Variants in DOCK3 observed in about 807,000 individuals in gnomAD.
The protein encoded by DOCK3 is dedicator of cytokinesis 3.
In DOCK3, 60 loss-of-function variants were observed where a neutral mutation model predicts 265.6. The ratio of observed to expected loss-of-function variants is 0.23; its 90% CI spans 0.18 to 0.28. DOCK3 has a LOEUF of 0.28. Among genes scored for constraint, DOCK3 ranks in the 10% least tolerant of loss-of-function variants. The pLI is 1.00. For synonymous variants in DOCK3, 881 were observed against 938.0 expected (o/e 0.94, Z 1.11); for missense variants, 1,981 against 2,594.3 (o/e 0.76, Z 5.14).
intron 27 of DOCK3, among the ~76,000 whole-genome samples, chr3:51,302,889 T>G (rs1442305061): frequency 1.3e-5 from 2 of 152,156 alleles, no homozygotes; most frequent in Non-Finnish European, 2.9e-5. Context: ...ATCTGATGAT[T>G]ATGTGTCTTG....
intron 5 of DOCK3, among the ~76,000 whole-genome samples, chr3:50,968,651 G>A (rs938730954): frequency 6.6e-6 from 1 of 151,774 alleles, no homozygotes; most frequent in Admixed American, 6.6e-5. Flanking sequence ...CTAGGTTCAA[G>A]TGATTCTCCT....
chr3:50,794,672 T>C (rs12486828), intron 2 of DOCK3, among the ~76,000 whole-genome samples: 10,725 of 152,202 alleles, frequency 0.07, 961 homozygotes, highest in East Asian at 0.33. Context: ...TGGGTCTTGG[T>C]TCTTTGTCTA....
chr3:51,080,425 C>T (rs972920641), intron 7 of DOCK3, among the ~76,000 whole-genome samples: 9 of 152,068 alleles, frequency 5.9e-5, no homozygotes, highest in South Asian at 2.1e-4. Context: ...TCTAGAGTTA[C>T]GTAGCAAACA....
intron 1 of DOCK3, among the ~76,000 whole-genome samples, chr3:50,707,626 G>C (rs995259713): frequency 6.6e-6 from 1 of 152,146 alleles, no homozygotes; most frequent in Non-Finnish European, 1.5e-5. Context: ...ATGTCAGATG[G>C]GCTGGTCCTT....
At chr3:51,015,342 A>C (rs1176869406) in intron 5 of DOCK3, among the ~76,000 whole-genome samples, 1 of 151,950 alleles carries the variant, frequency 6.6e-6, no homozygotes, top group Non-Finnish European at 1.5e-5. Context: ...TTTATTATGA[A>C]GGGATGTTGA....
chr3:51,218,673 T>C (rs1169004737), intron 14 of DOCK3, among the ~76,000 whole-genome samples: 1 of 152,234 alleles, frequency 6.6e-6, no homozygotes, highest in Non-Finnish European at 1.5e-5. Context: ...TCATTGATTG[T>C]AGGTGATATG....
In DOCK3 at chr3:51,381,079, C is replaced by T. The variant is rs371225174; in HGVS notation, c.5613C>T (p.Pro1871=). The part of the protein sequence containing the change: ...KSPLHPIPAS[P]TSPQSGLDGS... The stretch of plus-strand genomic sequence containing the variant: ...CTCTCCACCCTATCCCAGCCTCCCC[C>T]ACAAGCCCCCAGTCAGGTCTGGACG... The change falls in exon 53 of 53, where the codon CCC becomes CCT. Residue 1871 remains proline (P), a synonymous_variant. Transcript: ENST00000266037. The surrounding 1 kb of genome is among the most constrained non-coding windows in gnomAD (Gnocchi z 5.6). 45 of 1,607,292 alleles carry T rather than the reference C, an allele frequency of 2.8e-5. No individual in the cohort carries two copies. In the East Asian group the frequency reaches 8.7e-4, roughly 31 times the overall value.
intron 9 of DOCK3, among the ~76,000 whole-genome samples, chr3:51,127,788 T>G (rs2084334287): frequency 1.3e-5 from 2 of 152,216 alleles, no homozygotes; most frequent in South Asian, 4.1e-4. Context: ...GTTTTTTTCC[T>G]GGTGGAGTGA....
At chr3:51,071,466 T>G (rs1013022504) in intron 6 of DOCK3, among the ~76,000 whole-genome samples, 1 of 151,976 alleles carries the variant, frequency 6.6e-6, no homozygotes, top group South Asian at 2.1e-4. Flanking sequence ...GTTTAAAGAG[T>G]TTTTTATCCA....
chr3:51,178,491 T>A (rs983201063), intron 12 of DOCK3, among the ~76,000 whole-genome samples: 1 of 152,228 alleles, frequency 6.6e-6, no homozygotes, highest in African/African-American at 2.4e-5. Context: ...ATGCTGTTCA[T>A]GCACTTCTGT....
chr3:50,690,298 G>C (rs1005411364), intron 1 of DOCK3, among the ~76,000 whole-genome samples: 11 of 151,484 alleles, frequency 7.3e-5, no homozygotes, highest in African/African-American at 2.7e-4. Flanking sequence ...ATGCCTGGCT[G>C]ATTTTTTAAA....
intron 8 of DOCK3, among the ~76,000 whole-genome samples, chr3:51,090,011 A>G (rs1004445562): frequency 1.4e-4 from 21 of 151,498 alleles, no homozygotes; most frequent in African/African-American, 4.9e-4. Context: ...TACTGTCCCT[A>G]TATTTCTTCA....
Position 51,016,245 on chromosome 3 carries a change from TATATCA to T in DOCK3, c.316-48200_316-48195del, listed in dbSNP as rs1431865106. 2.6e-3 allele frequency among the ~76,000 whole-genome samples: 8 copies of T among 3,098 alleles called. 4 individuals are homozygous for T. Among genetic ancestry groups the T allele is most frequent in the African/African-American group, 0.02 (4 of 196 alleles). The allele number at this position is 3,098 out of a possible 152,430, so 2.0% of individuals were successfully genotyped here. Reference sequence around the variant, plus strand: ...TATATATCATATATTTCTACATATATATATCAATCATATATTTCTACATATATATCA... The same window carrying T: ...TATATATCATATATTTCTACATATATATCATATATTTCTACATATATATCA... On this transcript the variant is annotated intron_variant, in intron 5 of 52. Coordinates refer to ENST00000266037, the MANE Select transcript of DOCK3 (RefSeq NM_004947.5).
At chr3:50,929,017 C>T in intron 4 of DOCK3, among the ~76,000 whole-genome samples, 1 of 152,170 alleles carries the variant, frequency 6.6e-6, no homozygotes, top group East Asian at 1.9e-4. Context: ...GGAGGATAGG[C>T]TAAGCTATGG....
chr3:50,978,199 C>T (rs1297989829), intron 5 of DOCK3, among the ~76,000 whole-genome samples: 1 of 149,678 alleles, frequency 6.7e-6, no homozygotes, highest in Non-Finnish European at 1.5e-5. Flanking sequence ...AACTGCGTTC[C>T]TTTGGAGGAG....
In DOCK3 at chr3:51,275,068, T is replaced by C; in HGVS notation, c.2549-11T>C. 1 of 1,613,950 alleles carries C rather than the reference T, an allele frequency of 6.2e-7. No individual in the cohort carries two copies. The highest frequency in any genetic ancestry group is 8.5e-7 in the Non-Finnish European group (1 of 1,179,856). ...CTAAAGTTTTCTTCACCTTTGTATT[T>C]TCTCTCCCAGAATCCCGCCGCATCC... On this transcript the variant is annotated splice_polypyrimidine_tract_variant and intron_variant, in intron 24 of 52. Coordinates refer to ENST00000266037, the MANE Select transcript of DOCK3 (RefSeq NM_004947.5).
chr3:50,874,647 T>G (rs2047612964), intron 3 of DOCK3, among the ~76,000 whole-genome samples: 1 of 152,250 alleles, frequency 6.6e-6, no homozygotes, highest in Admixed American at 6.5e-5. Context: ...TAGTTTTTCT[T>G]GTAGAGATAT....
intron 2 of DOCK3, among the ~76,000 whole-genome samples, chr3:50,785,590 T>A (rs994125089): frequency 2.0e-5 from 3 of 152,214 alleles, no homozygotes; most frequent in African/African-American, 7.2e-5. Flanking sequence ...TTGTTTTAAA[T>A]TCTGTTTATG....
intron 4 of DOCK3, among the ~76,000 whole-genome samples, chr3:50,913,282 C>G (rs2049955611): frequency 6.6e-6 from 1 of 151,910 alleles, no homozygotes; most frequent in Non-Finnish European, 1.5e-5. Flanking sequence ...GAAAGGGGAC[C>G]TTGTGATTGA....
Sources: allele counts gnomAD v4.1 joint callset (sites outside exome capture counted in the v4.1 genomes callset), GRCh38; gene constraint gnomAD v4.1.1; non-coding constraint Gnocchi (gnomAD v3.1); transcripts MANE v1.5; gene names NCBI Gene and HGNC (gene_info 2026-07-23, HGNC 2026-07-21).